Variants in DNAAF19 observed in about 807,000 individuals in gnomAD.
DNAAF19 encodes dynein axonemal assembly factor 19, also known as coiled-coil domain containing 103.
the DNAAF19 span, chr17:44,901,213 C>G: frequency 6.5e-7 from 1 of 1,540,836 alleles, no homozygotes; most frequent in African/African-American, 1.4e-5. Context: ...GAAATCAAAC[C>G]ATTCTGGGCT....
chr17:44,901,431 GT>G, the DNAAF19 span: 1 of 1,462,228 alleles, frequency 6.8e-7, no homozygotes, highest in Non-Finnish European at 9.4e-7. Context: ...TCCGTAACAG[GT>G]TTATCCTATA....
the DNAAF19 span, chr17:44,904,779 A>G: frequency 2.6e-6 from 4 of 1,550,672 alleles, no homozygotes; most frequent in African/African-American, 1.4e-5. Context: ...AAGGGTGTCA[A>G]CAGGTCCATG....
the DNAAF19 span, chr17:44,903,950 G>T: frequency 5.2e-6 from 8 of 1,550,492 alleles, no homozygotes; most frequent in African/African-American, 9.6e-5. Context: ...GTTTGAAAAT[G>T]CAGCCTACCT....
the DNAAF19 span, chr17:44,904,909 A>T: frequency 7.1e-6 from 11 of 1,550,560 alleles, no homozygotes; most frequent in Non-Finnish European, 9.6e-6. Context: ...TGGGTGTGAC[A>T]TCTCATGGGC....
the DNAAF19 span, chr17:44,901,083 G>C: frequency 1.2e-6 from 2 of 1,604,916 alleles, no homozygotes; most frequent in South Asian, 1.1e-5. Flanking sequence ...GTACAAACGG[G>C]AGAATGCTGC....
chr17:44,903,413 C>T, the DNAAF19 span: 1 of 1,250,970 alleles, frequency 8.0e-7, no homozygotes, highest in Non-Finnish European at 1.0e-6. Flanking sequence ...GGGTTTCCTT[C>T]ATCCCCCAGG....
the DNAAF19 span, chr17:44,904,284 A>G: frequency 1.3e-6 from 2 of 1,549,720 alleles, no homozygotes; most frequent in African/African-American, 2.7e-5. Context: ...ACTTTCCAGG[A>G]CAAGGGCCAG....
the DNAAF19 span, chr17:44,903,217 CA>C: frequency 7.9e-7 from 1 of 1,258,592 alleles, no homozygotes; most frequent in Non-Finnish European, 1.0e-6. Context: ...CAGCTCTTAA[CA>C]AGAATGTTTA....
the DNAAF19 span, chr17:44,902,454 T>C: frequency 6.2e-7 from 1 of 1,614,188 alleles, no homozygotes. Flanking sequence ...GCTACCAGGC[T>C]CTACTGCAGC....
At chr17:44,904,142 A>G in the DNAAF19 span, 1 of 1,550,430 alleles carries the variant, frequency 6.4e-7, no homozygotes, top group Non-Finnish European at 8.7e-7. Context: ...CCGCTTCAGC[A>G]TCCGCATGTT....
the DNAAF19 span, chr17:44,904,400 G>A: frequency 4.5e-6 from 7 of 1,542,180 alleles, no homozygotes; most frequent in East Asian, 4.9e-5. Context: ...GTGGCGCATC[G>A]GCCTCTGCTA....
the DNAAF19 span, chr17:44,904,192 C>T: frequency 5.2e-6 from 8 of 1,550,436 alleles, no homozygotes; most frequent in African/African-American, 9.6e-5. Context: ...AGGACTCAGG[C>T]CTGTACTTCT....
chr17:44,902,731 G>C, the DNAAF19 span: 1 of 1,612,102 alleles, frequency 6.2e-7, no homozygotes, highest in Non-Finnish European at 8.5e-7. Flanking sequence ...CAGCTGGGAG[G>C]AGCAGGGTCT....
the DNAAF19 span, chr17:44,902,697 C>T: frequency 6.2e-7 from 1 of 1,614,042 alleles, no homozygotes; most frequent in Non-Finnish European, 8.5e-7. Flanking sequence ...CCATGGGCAA[C>T]CCCAGATCCG....
chr17:44,903,972 G>A, the DNAAF19 span: 1 of 1,550,628 alleles, frequency 6.4e-7, no homozygotes, highest in Non-Finnish European at 8.7e-7. Context: ...GCCGACATGA[G>A]CTTTGAGCTT....
At chr17:44,904,922 T>C in the DNAAF19 span, 1 of 1,550,636 alleles carries the variant, frequency 6.4e-7, no homozygotes, top group Admixed American at 2.0e-5. Flanking sequence ...TCATGGGCAC[T>C]ACCCAGCCTC....
At chr17:44,902,890 C>T in the DNAAF19 span, 111 of 1,443,962 alleles carry the variant, frequency 7.7e-5, no homozygotes, top group Non-Finnish European at 9.9e-5. Flanking sequence ...GGGGGTTCTG[C>T]AGGACCATAA....
the DNAAF19 span, chr17:44,904,831 C>T: frequency 6.4e-7 from 1 of 1,550,720 alleles, no homozygotes; most frequent in East Asian, 2.4e-5. Context: ...ACATCCGCTT[C>T]ACCCAGCTGG....
the DNAAF19 span, chr17:44,904,933 GT>G: frequency 6.4e-7 from 1 of 1,550,620 alleles, no homozygotes. Flanking sequence ...ACCCAGCCTC[GT>G]TCTCAGATCC....
Sources: allele counts gnomAD v4.1 joint callset, GRCh38; gene constraint gnomAD v4.1.1; transcripts MANE v1.5; gene names NCBI Gene and HGNC (gene_info 2026-07-23, HGNC 2026-07-21).